The following CAPG variants were observed in gnomAD, a reference collection of about 807,000 sequenced individuals.
CAPG encodes capping actin protein, gelsolin like, also known as macrophage-capping protein.
A neutral mutation model predicts 44.6 loss-of-function variants in CAPG; 32 were observed. The ratio of observed to expected loss-of-function variants is 0.72; its 90% CI spans 0.54 to 0.96. The LOEUF (loss-of-function observed/expected upper bound fraction) is 0.96. CAPG is among the 50% of genes least tolerant of loss of function. CAPG has a pLI of 0.00. For missense variants in CAPG, 412 were observed against 438.3 expected (o/e 0.94, Z 0.54); for synonymous variants, 175 against 179.6 (o/e 0.97, Z 0.20).
intron 5 of CAPG, 100 bp downstream of exon 5, chr2:85,401,065 C>T (rs1245377412): frequency 1.3e-5 from 15 of 1,178,934 alleles, no homozygotes; most frequent in South Asian, 7.1e-5. Context: ...AATGGGTTTA[C>T]GGCTTCTCAG....
At chr2:85,403,684 C>G (rs551217825) in intron 1 of CAPG, among the ~76,000 whole-genome samples, 1 of 152,012 alleles carries the variant, frequency 6.6e-6, no homozygotes, top group Non-Finnish European at 1.5e-5. Context: ...GTCAGGAGTT[C>G]GAGACCAGCC....
chr2:85,408,983 TCAC>T (rs1036855050), intron 1 of CAPG, among the ~76,000 whole-genome samples: 3 of 152,242 alleles, frequency 2.0e-5, no homozygotes, highest in African/African-American at 7.2e-5. Context: ...GATGGGAAAC[TCAC>T]CACCTTACCA....
At chr2:85,393,041 T>A (rs1686442280), downstream of CAPG, among the ~76,000 whole-genome samples, 1 of 132,960 alleles carries the variant, frequency 7.5e-6, no homozygotes, top group Admixed American at 7.2e-5. Context: ...TGCAAAAATC[T>A]TTTTTTTTTT....
At chr2:85,398,381 GAAATTAGGTGGATTCC>G (rs1430800337) in intron 7 of CAPG, 14 of 590,002 alleles carry the variant, frequency 2.4e-5, no homozygotes, top group African/African-American at 1.9e-4. Flanking sequence ...AACCCATTTG[GAAATTAGGTGGATTCC>G]AAATTACAAA....
rs1229587581 is a variant in CAPG, at chr2:85,398,487, C to T, written c.759+203G>A. 3 of 596,304 alleles carry T rather than the reference C, an allele frequency of 5.0e-6. No individual in the cohort carries two copies. In the African/African-American group the frequency reaches 5.6e-5, roughly 11 times the overall value. The allele number at this position is 596,304 out of a possible 1,614,324, so 36.9% of individuals were successfully genotyped here. A position where few individuals can be genotyped will look rare whatever the true frequency, so the allele number is the denominator to read the frequency against. On this transcript the variant is annotated intron_variant, in intron 7 of 9. Coordinates refer to ENST00000263867, the MANE Select transcript of CAPG (RefSeq NM_001747.4). ...AAGCATAGGCTGGAAGTGAGGTGCA[C>T]TCATCTCCTCAGGAGGGCCTGCCTT...
upstream of CAPG, among the ~76,000 whole-genome samples, chr2:85,412,396 TCAG>T (rs1687442656): frequency 6.6e-6 from 1 of 151,108 alleles, no homozygotes; most frequent in Non-Finnish European, 1.5e-5. Context: ...GCCTGTAATC[TCAG>T]CTATTCAGGA....
chr2:85,418,603 T>TAC (rs1412908373), upstream of CAPG: 1 of 150,014 alleles, frequency 6.7e-6, no homozygotes, highest in African/African-American at 2.5e-5. Context: ...CGGACACACT[T>TAC]ACACACACAG....
chr2:85,401,169 C>T lies in CAPG; in HGVS notation c.512G>A (p.Gly171Asp). 6.2e-7 allele frequency: 1 copy of T among 1,613,738 alleles called. No individual in the cohort carries two copies. Residue 171 changes from glycine to aspartate, a missense_variant, in exon 5 of 10, where the codon GGC becomes GAC. Physicochemically the swap from Gly to Asp is moderately conservative, Grantham distance 94. Coordinates refer to ENST00000263867, the MANE Select transcript of CAPG (RefSeq NM_001747.4). ...NTGDCFILDL[G>D]QNIFAWCGGK... ...CAGTCTGGCCAGCCTACCCACCTGG[C>T]CCAGGTCCAGGATGAAGCAGTCCCC... is the stretch of plus-strand genomic sequence containing the variant.
At position 85,398,687 on chromosome 2, in the gene CAPG, C is replaced by CA; in HGVS notation, c.759+2dup. 2 of 1,596,282 alleles carry CA rather than the reference C, an allele frequency of 1.3e-6. No individual in the cohort carries two copies. The highest frequency in any genetic ancestry group is 1.7e-6 in the Non-Finnish European group (2 of 1,171,368). ...GGTCCCAGGGCAGGCTTGGGGGGCC[C>CA]ACCTTATACAGAGCTGCGGCCTGGG... On this transcript the variant is annotated splice_region_variant and intron_variant, in intron 7 of 9. Transcript: ENST00000263867.
intron 8 of CAPG, among the ~76,000 whole-genome samples, chr2:85,396,674 C>A (rs760079505): frequency 1.4e-4 from 22 of 152,080 alleles, no homozygotes; most frequent in Non-Finnish European, 2.6e-4. Flanking sequence ...CCTCTGTGAA[C>A]CCCCCTCTGC....
chr2:85,402,584 A>T (rs993007899), intron 1 of CAPG, among the ~76,000 whole-genome samples: 3 of 152,038 alleles, frequency 2.0e-5, no homozygotes, highest in African/African-American at 2.4e-5. Flanking sequence ...CTCCGGTCTC[A>T]GCCACCCAAG....
At chr2:85,401,426 G>T (rs1294136842) in intron 4 of CAPG, 97 bp from the exon 5 acceptor site, 2 of 1,573,900 alleles carry the variant, frequency 1.3e-6, no homozygotes, top group Non-Finnish European at 1.7e-6. Context: ...TGGGGACCCG[G>T]CTCCAAAGGC....
At position 85,394,850 on chromosome 2, in the gene CAPG, G is replaced by A. The variant is rs745328283; in HGVS notation, c.*43C>T. 2.1e-6 allele frequency: 3 copies of A among 1,426,364 alleles called. 1 individual carries two copies. Among genetic ancestry groups the A allele is most frequent in the Non-Finnish European group, 3.0e-6 (3 of 1,008,312 alleles). 88.4% of individuals were successfully genotyped at this position (1,426,364 alleles called of 1,614,324 possible). On this transcript the variant is annotated 3_prime_UTR_variant, in exon 10 of 10. Coordinates refer to ENST00000263867, the MANE Select transcript of CAPG (RefSeq NM_001747.4). ...GGCAGCCAGAGAAGCAAGCAGGCAG[G>A]TGGTGGGGGGCAGGGGAGCATGGGG...
chr2:85,418,658 G>T (rs943147383), upstream of CAPG: 2 of 151,806 alleles, frequency 1.3e-5, no homozygotes, highest in Admixed American at 1.3e-4. Context: ...ACACGCGCGC[G>T]CGCGCGCCTT....
At chr2:85,414,404 A>G (rs1687504653), upstream of CAPG, among the ~76,000 whole-genome samples, 1 of 150,496 alleles carries the variant, frequency 6.6e-6, no homozygotes, top group Admixed American at 6.7e-5. Flanking sequence ...AGAGTGTCAC[A>G]TTGCTAGTTC....
At chr2:85,411,510 A>T (rs1482968110), upstream of CAPG, among the ~76,000 whole-genome samples, 1 of 152,212 alleles carries the variant, frequency 6.6e-6, no homozygotes, top group East Asian at 1.9e-4. Context: ...TGGGGGAAGG[A>T]TGAGCGGACT....
chr2:85,416,175 A>C (rs973112774), intron 1 of CAPG, among the ~76,000 whole-genome samples: 1 of 152,236 alleles, frequency 6.6e-6, no homozygotes, highest in Admixed American at 6.5e-5. Flanking sequence ...ACTCTGGCCA[A>C]GGTCTGGGGA....
Position 85,399,215 on chromosome 2 carries a change from G to T in CAPG, c.587C>A (p.Ala196Asp), listed in dbSNP as rs373962055. The change falls in exon 6 of 10, where the codon GCC becomes GAC. Residue 196 changes from alanine (A) to aspartate (D), a missense_variant. Coordinates refer to ENST00000263867, the MANE Select transcript of CAPG (RefSeq NM_001747.4). ...GCCCTGTCGCTCACTGTCCCGGATG[G>T]CCAGGGCCAGGTCCCTCGCCTTGTT... ...ERNKARDLAL[A>D]IRDSERQGKA... is the part of the protein sequence containing the mutation. 2.5e-6 allele frequency: 4 copies of T among 1,614,170 alleles called. No homozygotes were observed. Among genetic ancestry groups the T allele is most frequent in the Non-Finnish European group, 3.4e-6 (4 of 1,179,990 alleles).
intron 1 of CAPG, among the ~76,000 whole-genome samples, chr2:85,417,607 C>T (rs1379115304): frequency 6.6e-6 from 1 of 151,854 alleles, no homozygotes; most frequent in Non-Finnish European, 1.5e-5. Context: ...CTCAGCCTCC[C>T]GAGTAGCTGG....
Sources: allele counts gnomAD v4.1 joint callset (sites outside exome capture counted in the v4.1 genomes callset), GRCh38; gene constraint gnomAD v4.1.1; transcripts MANE v1.5; gene names NCBI Gene and HGNC (gene_info 2026-07-23, HGNC 2026-07-21).